The following DZIP1 variants were observed in gnomAD, a reference collection of about 807,000 sequenced individuals.
DZIP1 encodes the protein cilium assembly protein DZIP1.
DZIP1 carries 97 observed loss-of-function variants against 107.6 expected under a neutral mutation model. The ratio of observed to expected loss-of-function variants is 0.90; its 90% CI spans 0.77 to 1.07. The LOEUF is 1.07. Ranked by LOEUF, DZIP1 falls within the 50% of genes least tolerant of loss-of-function variation. DZIP1 has a pLI of 0.00. For missense variants in DZIP1, 1,035 were observed against 1,063.6 expected, an observed-to-expected ratio of 0.97 and a Z score of 0.37; for synonymous variants, 390 against 386.4, an observed-to-expected ratio of 1.01 and a Z score of -0.11.
intron 6 of DZIP1, 116 bp from the exon 7 acceptor site, chr13:95,630,229 A>C (rs1877034991): frequency 7.5e-7 from 1 of 1,328,110 alleles, no homozygotes; most frequent in Non-Finnish European, 1.0e-6. Flanking sequence ...TTGGGATACG[A>C]TTACTTGTTT....
intron 7 of DZIP1, among the ~76,000 whole-genome samples, chr13:95,628,031 C>G (rs1876754095): frequency 6.6e-6 from 1 of 151,636 alleles, no homozygotes; most frequent in African/African-American, 2.4e-5. Flanking sequence ...AAGCCAGACA[C>G]AAAAGGTCAC....
At chr13:95,613,330 T>C (rs372029061) in intron 10 of DZIP1, among the ~76,000 whole-genome samples, 1 of 151,964 alleles carries the variant, frequency 6.6e-6, no homozygotes, top group Admixed American at 6.6e-5. Flanking sequence ...CTGGCCAACA[T>C]GGCAAAACCC....
At chr13:95,619,784 C>A (rs1437224292) in intron 10 of DZIP1, 101 bp downstream of exon 10, 3 of 1,195,348 alleles carry the variant, frequency 2.5e-6, no homozygotes, top group African/African-American at 3.0e-5. Flanking sequence ...ACATTTCTCC[C>A]CAAATGTTAT....
At chr13:95,592,890 A>G (rs1566367633) in intron 16 of DZIP1, among the ~76,000 whole-genome samples, 3 of 152,220 alleles carry the variant, frequency 2.0e-5, no homozygotes, top group Admixed American at 2.0e-4. Flanking sequence ...GTATGACTCC[A>G]CTTTTATGAG....
intron 13 of DZIP1, among the ~76,000 whole-genome samples, chr13:95,607,822 T>G (rs1276065880): frequency 5.3e-5 from 8 of 152,248 alleles, no homozygotes; most frequent in African/African-American, 1.9e-4. Context: ...GAAAGGGTAG[T>G]AAATCAGTAA....
Position 95,587,539 on chromosome 13 carries a change from C to G in DZIP1, c.2218G>C (p.Gly740Arg). ...EDTDDSPKPAGVAVKTPTEKV... is the reference protein window; with the variant it reads ...EDTDDSPKPARVAVKTPTEKV... ...AGAGTTTTCCAAGGTAACAGCTCAC[C>G]TGCGGGCTTGGGAGAATCATCAGTG... The change falls in exon 20 of 23, where the codon GGA becomes CGA. Residue 740 changes from glycine to arginine, a missense_variant and splice_region_variant. By Grantham distance (125) the Gly-to-Arg change is moderately radical. Coordinates refer to ENST00000376829, the MANE Select transcript of DZIP1 (RefSeq NM_198968.4). 6.2e-7 allele frequency: 1 copy of G among 1,613,692 alleles called. No individual in the cohort carries two copies. Among genetic ancestry groups the G allele is most frequent in the East Asian group, 2.2e-5 (1 of 44,848 alleles).
chr13:95,612,390 T>G (rs1187842446), intron 10 of DZIP1, among the ~76,000 whole-genome samples: 1 of 152,130 alleles, frequency 6.6e-6, no homozygotes, highest in Non-Finnish European at 1.5e-5. Flanking sequence ...CGTCCCCAAA[T>G]AGACAACACT....
At chr13:95,589,286 G>A (rs968049942) in intron 18 of DZIP1, 79 bp from the exon 19 acceptor site, 3 of 1,225,400 alleles carry the variant, frequency 2.4e-6, no homozygotes, top group South Asian at 1.4e-5. Flanking sequence ...TGGAACTGGT[G>A]ATTTTTGCTT....
chr13:95,641,122 T>C lies in DZIP1; in HGVS notation c.597+173A>G, dbSNP rs1339702515. On this transcript the variant is annotated intron_variant, in intron 5 of 22. Coordinates refer to ENST00000376829, the MANE Select transcript of DZIP1 (RefSeq NM_198968.4). This position sits in a 1 kb window ranked among gnomAD's most constrained non-coding sequence, Gnocchi z 4.3. ...TAATCCCCTGATTGTCTGCAGAAGG[T>C]AATGAACCATGACATTTGTTGGTTA... is the stretch of plus-strand genomic sequence containing the variant. 6.6e-6 allele frequency among the ~76,000 whole-genome samples: 1 copy of C among 152,222 alleles called. No homozygotes were observed. Among genetic ancestry groups the C allele is most frequent in the African/African-American group, 2.4e-5 (1 of 41,452 alleles).
chr13:95,635,722 G>A (rs1877719078), intron 5 of DZIP1, among the ~76,000 whole-genome samples: 1 of 152,182 alleles, frequency 6.6e-6, no homozygotes. Flanking sequence ...GAGTTCACAT[G>A]TTGCCAGAAG....
intron 20 of DZIP1, 70 bp from the exon 21 acceptor site, chr13:95,586,206 C>A: frequency 7.5e-7 from 1 of 1,331,114 alleles, no homozygotes. Flanking sequence ...TCCAAAATAA[C>A]CTTACAGGAA....
At chr13:95,628,122 C>G (rs1876769897) in intron 7 of DZIP1, among the ~76,000 whole-genome samples, 1 of 152,030 alleles carries the variant, frequency 6.6e-6, no homozygotes, top group South Asian at 2.1e-4. Flanking sequence ...TCACTGCAGC[C>G]TTGACCTCCT....
chr13:95,590,127 C>A (rs2044272882), intron 17 of DZIP1, 152 bp downstream of exon 17: 1 of 1,025,868 alleles, frequency 9.7e-7, no homozygotes, highest in African/African-American at 1.6e-5. Flanking sequence ...TTTAATAGTA[C>A]AAACAGTAAA....
At chr13:95,582,363 G>T in intron 22 of DZIP1, 50 bp from the exon 23 acceptor site, 1 of 1,431,588 alleles carries the variant, frequency 7.0e-7, no homozygotes, top group Non-Finnish European at 9.9e-7. Context: ...GGTTAAACAA[G>T]CACATTGTCA....
rs188926280 is a variant in DZIP1, at chr13:95,621,998, A to G, written c.1110+345T>C. Among the ~76,000 whole-genome samples the G allele has an allele frequency of 2.4e-4, 36 of 152,322 alleles. 1 individual carries two copies. In the East Asian group the frequency reaches 5.2e-3, roughly 22 times the overall value. ...GTTAGCAGTATATTTAAACTCTAAA[A>G]TTAAATCTGGTGCTTCAATATGCCC... On this transcript the variant is annotated intron_variant, in intron 9 of 22. Transcript: ENST00000376829.
Position 95,586,003 on chromosome 13 carries a change from C to T in DZIP1, c.2349+3G>A. On this transcript the variant is annotated splice_donor_region_variant and intron_variant, in intron 21 of 22. Transcript: ENST00000376829. ...TATATCTAGCAAGTAAAAGTGATTT[C>T]ACCTTTAGTTCTTGTAATTCTTCTT... 2.5e-6 allele frequency: 4 copies of T among 1,594,632 alleles called. No homozygotes were observed. Among genetic ancestry groups the T allele is most frequent in the Non-Finnish European group, 3.4e-6 (4 of 1,174,110 alleles).
chr13:95,589,698 G>T lies in DZIP1; in HGVS notation c.1973+105C>A, dbSNP rs979488960. 5.6e-6 allele frequency: 8 copies of T among 1,431,242 alleles called. No individual in the cohort carries two copies. In the African/African-American group the frequency reaches 1.0e-4, roughly 18 times the overall value. The allele number at this position is 1,431,242 out of a possible 1,614,324, so 88.7% of individuals were successfully genotyped here. A position where few individuals can be genotyped will look rare whatever the true frequency, so the allele number is the denominator to read the frequency against. On this transcript the variant is annotated intron_variant, in intron 18 of 22. Transcript: ENST00000376829. ...TTGGACTTTCAGCCTCCAAAATGGG[G>T]AGAAAATAAATTTCTGTGAAGCCAC... is the stretch of plus-strand genomic sequence containing the variant.
At chr13:95,600,080 C>A (rs2044568414) in intron 14 of DZIP1, among the ~76,000 whole-genome samples, 1 of 152,156 alleles carries the variant, frequency 6.6e-6, no homozygotes, top group African/African-American at 2.4e-5. Context: ...GAGATGAGGT[C>A]TTTGGGTGAC....
At position 95,584,749 on chromosome 13, in the gene DZIP1, C is replaced by T. The variant is rs751277804; in HGVS notation, c.2511G>A (p.Gly837=). 1.2e-6 allele frequency: 2 copies of T among 1,613,012 alleles called. No homozygotes were observed. Among genetic ancestry groups the T allele is most frequent in the East Asian group, 2.2e-5 (1 of 44,868 alleles). The change falls in exon 22 of 23, where the codon GGG becomes GGA. Residue 837 remains glycine (G), a synonymous_variant. Transcript: ENST00000376829. The part of the protein sequence containing the change: ...LNAWGAFNPK[G]PKGEGLQENE... ...AAAGCAGCAAACCTTCTCCCTTTGG[C>T]CCCTTAGGATTAAATGCGCCCCAGG...
Sources: allele counts gnomAD v4.1 joint callset (sites outside exome capture counted in the v4.1 genomes callset), GRCh38; gene constraint gnomAD v4.1.1; non-coding constraint Gnocchi (gnomAD v3.1); transcripts MANE v1.5; gene names NCBI Gene and HGNC (gene_info 2026-07-23, HGNC 2026-07-21).